BRINP3: variants seen among roughly 807,000 people sequenced by gnomAD.
The protein encoded by BRINP3 is BMP/retinoic acid inducible neural specific 3.
Under a neutral mutation model 71.0 loss-of-function variants are expected in BRINP3, and 19 were observed. The ratio of observed to expected loss-of-function variants is 0.27; its 90% CI spans 0.19 to 0.39. BRINP3 has a LOEUF of 0.39. Among genes scored for constraint, BRINP3 ranks in the 10% least tolerant of loss-of-function variants. The pLI, the probability that BRINP3 is intolerant of heterozygous loss-of-function variation, is 1.00. For missense variants in BRINP3, 959 were observed against 940.8 expected (o/e 1.02, Z -0.25); for synonymous variants, 380 against 337.7 (o/e 1.13, Z -1.37).
chr1:190,248,135 C>G (rs939975444), intron 4 of BRINP3, among the ~76,000 whole-genome samples: 12 of 151,726 alleles, frequency 7.9e-5, no homozygotes, highest in Admixed American at 2.6e-4. Flanking sequence ...TATTTTTAAT[C>G]CATAATTTTA....
At chr1:190,260,079 AAAAG>A (rs1300255606) in intron 4 of BRINP3, among the ~76,000 whole-genome samples, 6 of 146,980 alleles carry the variant, frequency 4.1e-5, no homozygotes, top group Non-Finnish European at 9.3e-5. Context: ...ACAAAAAAAA[AAAAG>A]AAAAAGAAAA....
chr1:190,301,222 T>TATATATATATATAC (rs1158548292), intron 2 of BRINP3, among the ~76,000 whole-genome samples: 3 of 127,608 alleles, frequency 2.4e-5, no homozygotes, highest in Non-Finnish European at 3.2e-5. Context: ...TATATATATA[T>TATATATATATATAC]ATATATATAT....
intron 2 of BRINP3, among the ~76,000 whole-genome samples, chr1:190,383,160 A>T (rs953949591): frequency 6.6e-6 from 1 of 152,112 alleles, no homozygotes; most frequent in Non-Finnish European, 1.5e-5. Flanking sequence ...GCTTTGTATG[A>T]GATCGTTAAC....
chr1:190,282,052 T>G (rs537610441), intron 2 of BRINP3, among the ~76,000 whole-genome samples: 7 of 151,380 alleles, frequency 4.6e-5, no homozygotes, highest in Non-Finnish European at 1.0e-4. Context: ...GAATATAGAG[T>G]TACTAAACAG....
chr1:190,281,323 G>T (rs763646694), intron 3 of BRINP3, among the ~76,000 whole-genome samples: 5 of 151,856 alleles, frequency 3.3e-5, no homozygotes, highest in Non-Finnish European at 7.4e-5. Flanking sequence ...TCAAATATTT[G>T]TATGTTATTA....
chr1:190,421,266 GT>G (rs1673358921), intron 2 of BRINP3, among the ~76,000 whole-genome samples: 1 of 149,180 alleles, frequency 6.7e-6, no homozygotes. Flanking sequence ...ACAGATAATA[GT>G]GAAGGACATT....
At chr1:190,437,590 G>A (rs1674548399) in intron 2 of BRINP3, among the ~76,000 whole-genome samples, 1 of 151,696 alleles carries the variant, frequency 6.6e-6, no homozygotes, top group South Asian at 2.1e-4. Flanking sequence ...TCTCTGTTAT[G>A]GTAATACACT....
At chr1:190,286,144 C>A (rs954472406) in intron 2 of BRINP3, among the ~76,000 whole-genome samples, 5 of 152,098 alleles carry the variant, frequency 3.3e-5, no homozygotes, top group African/African-American at 1.2e-4. Flanking sequence ...GGGGATCATA[C>A]TCTAAGGAGC....
chr1:190,104,443 G>T (rs1248694959), intron 7 of BRINP3, among the ~76,000 whole-genome samples: 1 of 151,930 alleles, frequency 6.6e-6, no homozygotes, highest in Admixed American at 6.6e-5. Flanking sequence ...TATTATGAAT[G>T]TTATTCCTAC....
chr1:190,448,201 T>C (rs1451177432), intron 2 of BRINP3, among the ~76,000 whole-genome samples: 1 of 151,766 alleles, frequency 6.6e-6, no homozygotes, highest in Non-Finnish European at 1.5e-5. Context: ...TTAATTGATT[T>C]CTTTAAATTT....
chr1:190,327,352 G>GAAAAAAAAAAAAAAAAAAAAAAAA (rs796445574), intron 2 of BRINP3, among the ~76,000 whole-genome samples: 1 of 77,442 alleles, frequency 1.3e-5, no homozygotes, highest in Non-Finnish European at 2.8e-5. Context: ...AAAAAAAAAG[G>GAAAAAAAAAAAAAAAAAAAAAAAA]AAAAAAAAAA....
intron 2 of BRINP3, among the ~76,000 whole-genome samples, chr1:190,364,415 T>A (rs982946115): frequency 6.6e-6 from 1 of 152,054 alleles, no homozygotes; most frequent in Non-Finnish European, 1.5e-5. Context: ...AGTTGGTATT[T>A]TCAGTCTCTA....
intron 7 of BRINP3, among the ~76,000 whole-genome samples, chr1:190,123,809 T>G (rs771450020): frequency 2.0e-5 from 3 of 152,138 alleles, no homozygotes; most frequent in Non-Finnish European, 2.9e-5. Context: ...GAAATCTGTA[T>G]TTTGCTGTCC....
chr1:190,373,985 A>C (rs1670031711), intron 2 of BRINP3, among the ~76,000 whole-genome samples: 1 of 151,290 alleles, frequency 6.6e-6, no homozygotes, highest in African/African-American at 2.4e-5. Flanking sequence ...AGCCAATTGC[A>C]CAGGGTTTGA....
Position 190,464,767 on chromosome 1 carries a change from A to G in BRINP3, c.-50-9827T>C, listed in dbSNP as rs949233408. On this transcript the variant is annotated intron_variant, in intron 1 of 7. Transcript: ENST00000367462. ...GCTTCCTTGTCTTCAATCATATTAT[A>G]CAAGTTAATACCGACCTCAGAAATG... Among the ~76,000 whole-genome samples the G allele has an allele frequency of 2.0e-5, 3 of 151,906 alleles. No homozygotes were observed. The East Asian group carries it at 5.8e-4, about 29-fold the overall frequency.
At chr1:190,109,445 G>C (rs1482580574) in intron 7 of BRINP3, among the ~76,000 whole-genome samples, 1 of 152,104 alleles carries the variant, frequency 6.6e-6, no homozygotes, top group Admixed American at 6.5e-5. Flanking sequence ...TCAACCTATT[G>C]ACACATTCCT....
intron 7 of BRINP3, among the ~76,000 whole-genome samples, chr1:190,102,690 T>C (rs1032848418): frequency 2.6e-4 from 40 of 151,980 alleles, no homozygotes; most frequent in African/African-American, 9.4e-4. Flanking sequence ...CTACAGATTA[T>C]GGAGGAACAG....
At chr1:190,386,852 G>A (rs1211241883) in intron 2 of BRINP3, among the ~76,000 whole-genome samples, 1 of 151,962 alleles carries the variant, frequency 6.6e-6, no homozygotes, top group Non-Finnish European at 1.5e-5. Flanking sequence ...CTATGCCATA[G>A]GGTAAAAATT....
rs192513237 is a variant in BRINP3, at chr1:190,300,628, C to T, written c.237-18878G>A. On this transcript the variant is annotated intron_variant, in intron 2 of 7. Coordinates refer to ENST00000367462, the MANE Select transcript of BRINP3 (RefSeq NM_199051.3). ...AAGTGGGTACCTGACCTCTGACCCC[C>T]GAGCAGCCTAACTGGGAGGCACCCC... Among the ~76,000 whole-genome samples, 1,072 of 152,158 alleles carry T rather than the reference C, an allele frequency of 7.0e-3. 6 individuals carry two copies. The highest frequency in any genetic ancestry group is 0.021 in the African/African-American group (889 of 41,498).
Sources: gnomAD v4.1 joint callset for allele counts (sites outside exome capture counted in the v4.1 genomes callset) on GRCh38, gnomAD v4.1.1 for gene constraint, MANE v1.5 for transcripts, NCBI Gene and HGNC (gene_info 2026-07-23, HGNC 2026-07-21) for gene names.